Variants in CCNH observed in about 807,000 individuals in gnomAD.
CCNH encodes the protein cyclin H.
Under a neutral mutation model 41.9 loss-of-function variants are expected in CCNH, and 31 were observed. The ratio of observed to expected loss-of-function variants is 0.74; its 90% confidence interval spans 0.56 to 1.00. The LOEUF is 1.00. Ranked by LOEUF, CCNH falls within the 50% of genes least tolerant of loss-of-function variation. The pLI, the probability that CCNH is intolerant of heterozygous loss-of-function variation, is 0.00. For synonymous variants in CCNH, 138 were observed against 136.1 expected (o/e 1.01, Z -0.10); for missense variants, 362 against 388.4 (o/e 0.93, Z 0.57).
rs763902213 is a variant in CCNH at position 87,362,631 on chromosome 5, T to A, written c.*90+30139A>T. On this transcript the variant is annotated intron_variant and NMD_transcript_variant, in intron 9 of 9. Coordinates refer to the CCNH transcript ENST00000645953. ...TCCGTCGTAAAACAAAGGATGCCTT[T>A]TATAAAAACATTGTTAAGAAAGGTT... The A allele has an allele frequency of 4.8e-5, 77 of 1,602,240 alleles. No homozygotes were observed. The highest frequency in any genetic ancestry group is 5.4e-5 in the Non-Finnish European group (63 of 1,169,568).
At chr5:87,409,205 T>C (rs769442800) in intron 3 of CCNH, 85 bp downstream of exon 3, 13 of 677,416 alleles carry the variant, frequency 1.9e-5, no homozygotes, top group Non-Finnish European at 3.2e-5. Context: ...TCTCTCTCTC[T>C]CACAATTCTC....
At chr5:87,408,579 A>C (rs1160773085) in intron 3 of CCNH, among the ~76,000 whole-genome samples, 1 of 152,210 alleles carries the variant, frequency 6.6e-6, no homozygotes, top group African/African-American at 2.4e-5. Context: ...TATGGGAAGA[A>C]AAGTAGGTTA....
At chr5:87,374,217 T>C, downstream of CCNH, 3 of 1,590,378 alleles carry the variant, frequency 1.9e-6, no homozygotes, top group South Asian at 2.3e-5. Flanking sequence ...AGTAAAACAT[T>C]TTACTAATCC....
Position 87,346,489 on chromosome 5 carries a change from A to T in CCNH, c.*91-27592T>A, listed in dbSNP as rs115055731. ...GATAGTTTCTAGTTTTACTATCTTT[A>T]GTTGAAATTAAGTATAATATGTATA... On this transcript the variant is annotated intron_variant and NMD_transcript_variant, in intron 9 of 9. Coordinates refer to the CCNH transcript ENST00000645953. Among the ~76,000 whole-genome samples the T allele has an allele frequency of 0.015, 2,216 of 152,004 alleles. 35 individuals carry two copies. The highest frequency in any genetic ancestry group is 0.041 in the African/African-American group (1,704 of 41,542).
chr5:87,369,832 G>A, intron 9 of CCNH: 1 of 1,611,366 alleles, frequency 6.2e-7, no homozygotes, highest in Non-Finnish European at 8.5e-7. Context: ...TTTTCAGATA[G>A]TAGTTCAGCA....
At chr5:87,370,902 A>G (rs988516168) in intron 9 of CCNH, among the ~76,000 whole-genome samples, 5 of 152,154 alleles carry the variant, frequency 3.3e-5, no homozygotes, top group Non-Finnish European at 5.9e-5. Context: ...ACTGAACGTC[A>G]TATTTCACAT....
At chr5:87,389,867 CTG>C (rs1163807384), downstream of CCNH, among the ~76,000 whole-genome samples, 1 of 151,964 alleles carries the variant, frequency 6.6e-6, no homozygotes. Context: ...TGTCTTTTCT[CTG>C]TCACATACAG....
At chr5:87,411,414 C>A in intron 1 of CCNH, 68 bp from the exon 2 acceptor site, 2 of 1,474,868 alleles carry the variant, frequency 1.4e-6, no homozygotes, top group East Asian at 4.7e-5. Context: ...AAACATTTTT[C>A]TCTATCTAGA....
chr5:87,349,973 C>T (rs1213455604), intron 9 of CCNH, among the ~76,000 whole-genome samples: 1 of 151,770 alleles, frequency 6.6e-6, no homozygotes, highest in African/African-American at 2.4e-5. Flanking sequence ...CATTTGTGAA[C>T]GTAAAGGTTT....
At chr5:87,358,436 C>G (rs1436689673) in intron 9 of CCNH, among the ~76,000 whole-genome samples, 2 of 152,058 alleles carry the variant, frequency 1.3e-5, no homozygotes, top group Non-Finnish European at 2.9e-5. Flanking sequence ...CTTAAATCAT[C>G]CTCAATTCTT....
chr5:87,353,469 G>GGTA (rs745527784), intron 9 of CCNH, among the ~76,000 whole-genome samples: 3 of 151,986 alleles, frequency 2.0e-5, no homozygotes, highest in Non-Finnish European at 2.9e-5. Flanking sequence ...CGTGGAGGAA[G>GGTA]GTAAGTTGCA....
At chr5:87,329,571 A>G (rs1376951814) in intron 9 of CCNH, among the ~76,000 whole-genome samples, 3 of 152,352 alleles carry the variant, frequency 2.0e-5, no homozygotes, top group East Asian at 1.9e-4. Flanking sequence ...TATCATTTCA[A>G]TGGTAAGTTC....
chr5:87,376,835 T>A (rs760252122), exon 1 of CCNH: 37 of 1,531,544 alleles, frequency 2.4e-5, no homozygotes, highest in Non-Finnish European at 3.2e-5. Flanking sequence ...TGGAGCATGC[T>A]TATAATGCTA....
intron 9 of CCNH, among the ~76,000 whole-genome samples, chr5:87,325,249 C>T (rs1164569878): frequency 6.6e-6 from 1 of 152,122 alleles, no homozygotes; most frequent in African/African-American, 2.4e-5. Flanking sequence ...GGGTAACTGC[C>T]CCCATAATTC....
intron 9 of CCNH, among the ~76,000 whole-genome samples, chr5:87,384,336 G>A (rs1368934676): frequency 1.3e-5 from 2 of 152,026 alleles, no homozygotes; most frequent in African/African-American, 4.8e-5. Flanking sequence ...ATGACTTTCA[G>A]GTGTTAAAAG....
At chr5:87,372,298 T>A, downstream of CCNH, 1 of 1,054,518 alleles carries the variant, frequency 9.5e-7, no homozygotes, top group African/African-American at 1.6e-5. Context: ...TCATATGGGG[T>A]TAAGCCATGC....
At chr5:87,364,913 C>A (rs998650668) in intron 9 of CCNH, among the ~76,000 whole-genome samples, 3 of 152,108 alleles carry the variant, frequency 2.0e-5, no homozygotes, top group Non-Finnish European at 4.4e-5. Context: ...GTGCCTAGAT[C>A]TGTTGCTGGA....
chr5:87,362,706 A>G (rs911477478), intron 9 of CCNH: 1 of 1,590,028 alleles, frequency 6.3e-7, no homozygotes, highest in African/African-American at 1.3e-5. Flanking sequence ...CCCATTTGAT[A>G]GAGACGTTGT....
intron 9 of CCNH, among the ~76,000 whole-genome samples, chr5:87,366,695 T>C (rs1338102326): frequency 1.3e-5 from 2 of 152,234 alleles, no homozygotes; most frequent in African/African-American, 2.4e-5. Context: ...GAAAAAGTTA[T>C]GTTCATGAGA....
Sources: gnomAD v4.1 joint callset for allele counts (sites outside exome capture counted in the v4.1 genomes callset) on GRCh38, gnomAD v4.1.1 for gene constraint, MANE v1.5 for transcripts, NCBI Gene and HGNC (gene_info 2026-07-23, HGNC 2026-07-21) for gene names.